The following IL17B variants were observed in gnomAD, a reference collection of about 807,000 sequenced individuals.
IL17B encodes interleukin-17B.
Under a neutral mutation model 14.7 loss-of-function variants are expected in IL17B, and 14 were observed. The ratio of observed to expected loss-of-function variants is 0.95; its 90% CI spans 0.63 to 1.49. IL17B has a LOEUF of 1.49. Among genes scored for constraint, IL17B ranks in the 40% most tolerant of loss-of-function variants. The pLI is 0.00. For missense variants in IL17B, 233 were observed against 252.8 expected, an observed-to-expected ratio of 0.92 and a Z score of 0.53; for synonymous variants, 105 against 94.8, an observed-to-expected ratio of 1.11 and a Z score of -0.62.
In IL17B at chr5:149,374,675, C is replaced by A. The variant is rs1758477239; in HGVS notation, c.312-75G>T. ...CAGTCAGCACCCATACTCCACACCC[C>A]TGCCTTTCCTAATCAGAGTTTTAAT... is the stretch of plus-strand genomic sequence containing the variant. On this transcript the variant is annotated intron_variant, in intron 2 of 2. Coordinates refer to ENST00000261796, the MANE Select transcript of IL17B (RefSeq NM_014443.3). This position sits in a 1 kb window ranked among gnomAD's most constrained non-coding sequence, Gnocchi z 5.0. The A allele has an allele frequency of 2.7e-6, 3 of 1,120,196 alleles. No individual in the cohort carries two copies. Among genetic ancestry groups the A allele is most frequent in the Non-Finnish European group, 3.8e-6 (3 of 779,636 alleles). The allele number at this position is 1,120,196 out of a possible 1,614,324, so 69.4% of individuals were successfully genotyped here. A position where few individuals can be genotyped will look rare whatever the true frequency, so the allele number is the denominator to read the frequency against.
At chr5:149,392,088 G>A (rs1262419999) in intron 1 of IL17B, among the ~76,000 whole-genome samples, 1 of 152,236 alleles carries the variant, frequency 6.6e-6, no homozygotes, top group Non-Finnish European at 1.5e-5. Flanking sequence ...CATGAGGGAG[G>A]TGGGTAACGG....
At chr5:149,396,586 T>C (rs1159613217) in intron 1 of IL17B, among the ~76,000 whole-genome samples, 1 of 152,094 alleles carries the variant, frequency 6.6e-6, no homozygotes, top group Non-Finnish European at 1.5e-5. Flanking sequence ...AGAAATCCCA[T>C]CTCTACAAAA....
intron 1 of IL17B, 103 bp downstream of exon 1, chr5:149,379,102 A>C: frequency 7.0e-7 from 1 of 1,420,804 alleles, no homozygotes; most frequent in Admixed American, 1.7e-5. Context: ...GCCTCTGCAG[A>C]TTCTAAACCA....
chr5:149,379,300 A>G, upstream of IL17B: 13 of 1,580,570 alleles, frequency 8.2e-6, no homozygotes, highest in Non-Finnish European at 1.1e-5. Flanking sequence ...AATGGCAGCA[A>G]CAGGATGGAG....
chr5:149,397,935 C>G (rs959298864), intron 1 of IL17B, among the ~76,000 whole-genome samples: 1 of 152,136 alleles, frequency 6.6e-6, no homozygotes, highest in Non-Finnish European at 1.5e-5. Flanking sequence ...TCTCCTGGCC[C>G]CCTGCCTATT....
intron 1 of IL17B, among the ~76,000 whole-genome samples, chr5:149,400,465 G>A (rs428690): frequency 0.77 from 116,780 of 152,092 alleles, 45,135 homozygotes; most frequent in East Asian, 0.92. Context: ...TGGATGGAGT[G>A]TTTGGTTACA....
At chr5:149,381,694 G>A (rs1758702963), upstream of IL17B, among the ~76,000 whole-genome samples, 1 of 152,220 alleles carries the variant, frequency 6.6e-6, no homozygotes, top group African/African-American at 2.4e-5. Flanking sequence ...CAGTCATTGG[G>A]TTTCCCATTC....
intron 1 of IL17B, among the ~76,000 whole-genome samples, chr5:149,402,852 A>C (rs965714438): frequency 4.6e-5 from 7 of 151,504 alleles, no homozygotes; most frequent in African/African-American, 1.7e-4. Context: ...AAATACAAAA[A>C]ATTAGCCAGG....
chr5:149,400,455 T>C (rs955912362), intron 1 of IL17B, among the ~76,000 whole-genome samples: 9 of 152,186 alleles, frequency 5.9e-5, no homozygotes, highest in African/African-American at 1.9e-4. Context: ...CCACCCTGTC[T>C]GGATGGAGTG....
chr5:149,394,838 C>T (rs1420967124), intron 1 of IL17B, among the ~76,000 whole-genome samples: 1 of 152,090 alleles, frequency 6.6e-6, no homozygotes, highest in Non-Finnish European at 1.5e-5. Flanking sequence ...ATATACATGG[C>T]CATGAACCTT....
At chr5:149,376,261 A>C (rs1048868379) in intron 2 of IL17B, among the ~76,000 whole-genome samples, 3 of 152,226 alleles carry the variant, frequency 2.0e-5, no homozygotes, top group Admixed American at 2.0e-4. Context: ...AAGAAATAGC[A>C]CTTCCTGGGC....
chr5:149,397,533 C>T (rs188718560), intron 1 of IL17B, among the ~76,000 whole-genome samples: 19 of 152,164 alleles, frequency 1.2e-4, no homozygotes, highest in Middle Eastern at 3.4e-3. Flanking sequence ...GGCCTTTTTG[C>T]GAGGGAACAA....
chr5:149,380,818 C>T (rs942472299), upstream of IL17B, among the ~76,000 whole-genome samples: 1 of 152,174 alleles, frequency 6.6e-6, no homozygotes, highest in Non-Finnish European at 1.5e-5. Context: ...TTAATCTGTC[C>T]GGGGCAGGCT....
intron 1 of IL17B, among the ~76,000 whole-genome samples, chr5:149,386,965 C>G (rs2127620111): frequency 6.6e-6 from 1 of 152,322 alleles, no homozygotes; most frequent in South Asian, 2.1e-4. Context: ...CTCAGCGTCC[C>G]AAAGTGCTGG....
upstream of IL17B, chr5:149,379,375 G>A (rs944860376): frequency 3.5e-6 from 3 of 868,306 alleles, no homozygotes; most frequent in Non-Finnish European, 5.4e-6. Flanking sequence ...TCATCAGCTG[G>A]GAGCCTTGGG....
At chr5:149,381,998 G>A (rs992556812), upstream of IL17B, among the ~76,000 whole-genome samples, 6 of 152,146 alleles carry the variant, frequency 3.9e-5, no homozygotes, top group Non-Finnish European at 5.9e-5. Context: ...GTGGGTGGCC[G>A]CGGTCTCGCT....
intron 1 of IL17B, among the ~76,000 whole-genome samples, chr5:149,385,799 G>A (rs1181528200): frequency 6.6e-6 from 1 of 152,212 alleles, no homozygotes; most frequent in East Asian, 1.9e-4. Context: ...TGGGTGGAAG[G>A]CCCCAACCCT....
chr5:149,393,002 CGT>C (rs1179004063), intron 1 of IL17B, among the ~76,000 whole-genome samples: 1 of 148,146 alleles, frequency 6.8e-6, no homozygotes, highest in Non-Finnish European at 1.5e-5. Flanking sequence ...GTGTGTGCTG[CGT>C]GTGTGCATGT....
upstream of IL17B, among the ~76,000 whole-genome samples, chr5:149,381,240 T>C (rs896511527): frequency 6.6e-6 from 1 of 152,156 alleles, no homozygotes; most frequent in Admixed American, 6.5e-5. Context: ...CAGGACTGAC[T>C]TGTCAGCTTC....
Sources: gnomAD v4.1 joint callset for allele counts (sites outside exome capture counted in the v4.1 genomes callset) on GRCh38, gnomAD v4.1.1 for gene constraint, Gnocchi (gnomAD v3.1) non-coding constraint, MANE v1.5 for transcripts, NCBI Gene and HGNC (gene_info 2026-07-23, HGNC 2026-07-21) for gene names.